Variants in CEP89 observed in about 807,000 individuals in gnomAD.
CEP89 encodes the protein centrosomal protein 89.
In CEP89, 95 loss-of-function variants were observed where a neutral mutation model predicts 97.6. That is an observed-to-expected ratio of 0.97 (90% confidence interval 0.82 to 1.15). The LOEUF is 1.15. CEP89 is among the 50% of genes most tolerant of loss of function. The pLI, the probability that CEP89 is intolerant of heterozygous loss-of-function variation, is 0.00. For missense variants in CEP89, 869 were observed against 947.7 expected, an observed-to-expected ratio of 0.92 and a Z score of 1.09; for synonymous variants, 354 against 349.1, an observed-to-expected ratio of 1.01 and a Z score of -0.16.
chr19:32,909,029 G>A (rs773565925), intron 14 of CEP89, among the ~76,000 whole-genome samples: 10 of 152,294 alleles, frequency 6.6e-5, no homozygotes, highest in South Asian at 2.1e-4. Flanking sequence ...ACAATGATGC[G>A]GGAAATGGCA....
intron 12 of CEP89, among the ~76,000 whole-genome samples, chr19:32,920,064 G>T (rs1970216497): frequency 6.6e-6 from 1 of 152,080 alleles, no homozygotes; most frequent in Non-Finnish European, 1.5e-5. Context: ...ACAGGGTCTT[G>T]TTCTGTCACC....
chr19:32,966,537 C>T, intron 1 of CEP89, 71 bp from the exon 2 acceptor site: 1 of 925,768 alleles, frequency 1.1e-6, no homozygotes, highest in South Asian at 2.2e-5. Context: ...TCACCACTCT[C>T]CCTGGGCCTG....
chr19:32,932,975 C>G (rs1970506549), intron 8 of CEP89, among the ~76,000 whole-genome samples: 1 of 151,634 alleles, frequency 6.6e-6, no homozygotes, highest in Non-Finnish European at 1.5e-5. Flanking sequence ...ATAAAGTGGG[C>G]AGCTTTATGA....
intron 17 of CEP89, among the ~76,000 whole-genome samples, chr19:32,883,141 C>T (rs1426042630): frequency 6.6e-6 from 1 of 151,568 alleles, no homozygotes; most frequent in African/African-American, 2.4e-5. Context: ...GGATTACAGG[C>T]GTGAGACACC....
chr19:32,953,147 T>A (rs569864141), intron 4 of CEP89, among the ~76,000 whole-genome samples: 1 of 151,194 alleles, frequency 6.6e-6, no homozygotes, highest in African/African-American at 2.4e-5. Context: ...AGGGAATTCC[T>A]CAGCGAGTCA....
intron 12 of CEP89, 98 bp downstream of exon 12, chr19:32,923,341 G>A (rs984042927): frequency 5.1e-6 from 3 of 590,578 alleles, no homozygotes; most frequent in Non-Finnish European, 9.0e-6. Context: ...AAATATTTTA[G>A]TTAAGAATGT....
chr19:32,946,465 G>T (rs747501642), intron 5 of CEP89, among the ~76,000 whole-genome samples: 6 of 152,110 alleles, frequency 3.9e-5, no homozygotes, highest in Non-Finnish European at 7.4e-5. Flanking sequence ...TGAAAGAAAG[G>T]TAACAAAACA....
At chr19:32,890,985 C>T (rs547811249) in intron 16 of CEP89, among the ~76,000 whole-genome samples, 13 of 152,318 alleles carry the variant, frequency 8.5e-5, no homozygotes, top group Middle Eastern at 3.4e-3. Context: ...GCTGCAGCGG[C>T]GAGGCACCAG....
intron 14 of CEP89, among the ~76,000 whole-genome samples, chr19:32,908,227 G>A (rs1969928269): frequency 6.6e-6 from 1 of 152,246 alleles, no homozygotes; most frequent in Admixed American, 6.5e-5. Flanking sequence ...TTAAAAAGAA[G>A]TCATTAATGG....
At chr19:32,884,965 T>C (rs762415099) in intron 17 of CEP89, among the ~76,000 whole-genome samples, 2 of 152,214 alleles carry the variant, frequency 1.3e-5, no homozygotes, top group African/African-American at 2.4e-5. Context: ...ATCGTATCCA[T>C]TGGTTCCCTA....
chr19:32,953,819 T>G lies in CEP89; in HGVS notation c.306-18A>C, dbSNP rs554270772. On this transcript the variant is annotated intron_variant, in intron 3 of 18. Transcript: ENST00000305768. ...AATTTGGCCTGTATTAGAATATTCA[T>G]GGGGAAAACAAACAAAAAGTCACTT... The G allele has an allele frequency of 6.4e-7, 1 of 1,573,134 alleles. No homozygotes were observed. Among genetic ancestry groups the G allele is most frequent in the Non-Finnish European group, 8.7e-7 (1 of 1,148,148 alleles).
Position 32,878,971 on chromosome 19 carries a change from A to AAAAAAATT in CEP89, c.*183_*190dup. On this transcript the variant is annotated 3_prime_UTR_variant, in exon 19 of 19. Transcript: ENST00000305768. ...AGTGAGACCCTAGCTCTAAAAAAAA[A>AAAAAAATT]AAAAAATTAAAAAATAAAGCAAAAT... is the stretch of plus-strand genomic sequence containing the variant. 4 of 464,936 alleles carry AAAAAAATT rather than the reference A, an allele frequency of 8.6e-6. No homozygotes were observed. The Admixed American group carries it at 1.5e-4, about 18-fold the overall frequency. 28.8% of individuals were successfully genotyped at this position (464,936 alleles called of 1,614,324 possible). A position where few individuals can be genotyped will look rare whatever the true frequency, so the allele number is the denominator to read the frequency against.
At chr19:32,937,573 AT>A in intron 7 of CEP89, 57 bp downstream of exon 7, 1 of 1,234,504 alleles carries the variant, frequency 8.1e-7, no homozygotes, top group Non-Finnish European at 1.2e-6. Flanking sequence ...GATAAAATTA[AT>A]CTGGATATTC....
intron 7 of CEP89, among the ~76,000 whole-genome samples, chr19:32,935,622 T>C (rs1970563721): frequency 6.6e-6 from 1 of 152,086 alleles, no homozygotes; most frequent in Non-Finnish European, 1.5e-5. Context: ...GCAAATAAAG[T>C]TAATCTGACG....
At chr19:32,937,535 G>A in intron 7 of CEP89, 96 bp downstream of exon 7, 2 of 1,076,854 alleles carry the variant, frequency 1.9e-6, no homozygotes, top group South Asian at 1.3e-5. Flanking sequence ...ACTAATACAA[G>A]AAAAAGAAAA....
intron 2 of CEP89, among the ~76,000 whole-genome samples, chr19:32,965,393 C>T (rs182314881): frequency 1.6e-3 from 241 of 150,884 alleles, no homozygotes; most frequent in African/African-American, 5.5e-3. Context: ...AGAATGAGAC[C>T]ATATCTCGAA....
At chr19:32,968,978 C>G (rs1351653190) in intron 1 of CEP89, 2 of 152,164 alleles carry the variant, frequency 1.3e-5, no homozygotes, top group Admixed American at 6.5e-5. Flanking sequence ...TCTCTGGAGA[C>G]AGATTGTCCC....
At chr19:32,949,201 T>C (rs1970860166) in intron 4 of CEP89, among the ~76,000 whole-genome samples, 1 of 152,170 alleles carries the variant, frequency 6.6e-6, no homozygotes, top group South Asian at 2.1e-4. Context: ...ATGTTAGCTA[T>C]ATAGGAGCTG....
intron 7 of CEP89, among the ~76,000 whole-genome samples, chr19:32,935,094 C>T (rs1247794070): frequency 1.3e-5 from 2 of 152,240 alleles, no homozygotes; most frequent in African/African-American, 2.4e-5. Context: ...TGTGCCCCTC[C>T]TCAGGCAGAA....
Sources: allele counts gnomAD v4.1 joint callset (sites outside exome capture counted in the v4.1 genomes callset), GRCh38; gene constraint gnomAD v4.1.1; transcripts MANE v1.5; gene names NCBI Gene and HGNC (gene_info 2026-07-23, HGNC 2026-07-21).